RBM19: variants seen among roughly 807,000 people sequenced by gnomAD.
The protein encoded by RBM19 is RNA binding motif protein 19, also known as probable RNA-binding protein 19.
RBM19 carries 94 observed loss-of-function variants against 116.8 expected under a neutral mutation model. The observed-to-expected ratio is 0.80, with a 90% CI of 0.68 to 0.95. RBM19 has a LOEUF of 0.95. Among genes scored for constraint, RBM19 ranks in the 40% least tolerant of loss-of-function variants. The pLI, the probability that RBM19 is intolerant of heterozygous loss-of-function variation, is 0.00. For missense variants in RBM19, 1,161 were observed against 1,220.7 expected, an observed-to-expected ratio of 0.95 and a Z score of 0.73; for synonymous variants, 475 against 494.1, an observed-to-expected ratio of 0.96 and a Z score of 0.51.
chr12:113,962,792 T>C (rs1872611531), intron 1 of RBM19, among the ~76,000 whole-genome samples: 1 of 152,216 alleles, frequency 6.6e-6, no homozygotes. Context: ...AAGCTATATA[T>C]ATCTTTGTTA....
chr12:113,844,568 T>TA (rs1876779729), intron 23 of RBM19, 100 bp downstream of exon 23: 2 of 1,442,800 alleles, frequency 1.4e-6, no homozygotes, highest in Non-Finnish European at 1.8e-6. Flanking sequence ...CTTGTGCCCA[T>TA]AGCCTGCTGG....
At chr12:113,897,582 T>G (rs1593549899) in intron 21 of RBM19, among the ~76,000 whole-genome samples, 1 of 152,066 alleles carries the variant, frequency 6.6e-6, no homozygotes, top group African/African-American at 2.4e-5. Context: ...GAGGCTGAGG[T>G]GGGAGGATCA....
chr12:113,946,283 C>T, intron 12 of RBM19, 71 bp downstream of exon 12: 6 of 1,607,424 alleles, frequency 3.7e-6, no homozygotes, highest in Non-Finnish European at 5.1e-6. Flanking sequence ...ACCCAGGTGG[C>T]TTAGAAAGGG....
Position 113,940,002 on chromosome 12 carries a change from G to A in RBM19, c.1896C>T (p.Pro632=). ...GITAIVEFLE[P]LEARKAFRHL... is the part of the protein sequence containing the mutation. ...GCCTGAAGGCCTTGCGGGCCTCCAG[G>A]GGCTCCAGGAACTCCACGATGGCAG... The change falls in exon 15 of 24, where the codon CCC becomes CCT. Residue 632 remains proline, a synonymous_variant. Coordinates refer to ENST00000261741, the MANE Select transcript of RBM19 (RefSeq NM_016196.4). 1 of 1,614,090 alleles carries A rather than the reference G, an allele frequency of 6.2e-7. No individual in the cohort carries two copies. Among genetic ancestry groups the A allele is most frequent in the African/African-American group, 1.3e-5 (1 of 75,034 alleles).
intron 21 of RBM19, among the ~76,000 whole-genome samples, chr12:113,859,601 C>A (rs754905063): frequency 6.6e-6 from 1 of 152,046 alleles, no homozygotes; most frequent in Non-Finnish European, 1.5e-5. Flanking sequence ...TTGGACCATC[C>A]CCCCCGGTTC....
At chr12:113,854,427 C>A (rs553996594) in intron 22 of RBM19, among the ~76,000 whole-genome samples, 11 of 152,156 alleles carry the variant, frequency 7.2e-5, no homozygotes, top group African/African-American at 2.6e-4. Context: ...AGGATGCAGT[C>A]CTGCTTGAGT....
rs193000306 is a variant in RBM19 at position 113,839,503 on chromosome 12, G to A, written c.2785+5165C>T. On this transcript the variant is annotated intron_variant, in intron 23 of 23. Transcript: ENST00000261741. ...GGATAGAGAGGTAAACCTGACTATC[G>A]TTTCAAGTTCAACCATTCACTACCT... Among the ~76,000 whole-genome samples the A allele has an allele frequency of 7.1e-4, 108 of 152,312 alleles. 2 individuals are homozygous for A. The highest frequency in any genetic ancestry group is 5.8e-4 in the African/African-American group (24 of 41,588).
chr12:113,882,733 T>C (rs1880236899), intron 21 of RBM19, among the ~76,000 whole-genome samples: 1 of 152,142 alleles, frequency 6.6e-6, no homozygotes, highest in Non-Finnish European at 1.5e-5. Context: ...CATTAGCCCC[T>C]CCCCAGCCAC....
chr12:113,948,760 C>T lies in RBM19; in HGVS notation c.1276+73G>A, dbSNP rs968375238. 10 of 1,500,622 alleles carry T rather than the reference C, an allele frequency of 6.7e-6. No individual in the cohort carries two copies. In the African/African-American group the frequency reaches 1.3e-4, roughly 19 times the overall value. 93.0% of individuals were successfully genotyped at this position (1,500,622 alleles called of 1,614,324 possible). On this transcript the variant is annotated intron_variant, in intron 10 of 23. Coordinates refer to ENST00000261741, the MANE Select transcript of RBM19 (RefSeq NM_016196.4). ...AGTCGTGTGCACACTGGGACTTGAA[C>T]CCAGGACGTCAGAGTGAGAGCCCGG...
intron 21 of RBM19, among the ~76,000 whole-genome samples, chr12:113,868,831 G>A (rs1326732155): frequency 1.3e-5 from 2 of 152,188 alleles, no homozygotes; most frequent in Non-Finnish European, 2.9e-5. Context: ...CTTCTGCAGA[G>A]GAAGTCTAGC....
chr12:113,860,922 A>G (rs574102419), intron 21 of RBM19, among the ~76,000 whole-genome samples: 34 of 152,338 alleles, frequency 2.2e-4, no homozygotes, highest in Non-Finnish European at 5.9e-5. Context: ...AGCAAATGGT[A>G]GCCCTGGAAG....
intron 21 of RBM19, among the ~76,000 whole-genome samples, chr12:113,867,507 GCA>G (rs1878907474): frequency 6.6e-6 from 1 of 152,168 alleles, no homozygotes; most frequent in African/African-American, 2.4e-5. Context: ...CAGGGTTGGT[GCA>G]CACTCTCAGC....
At chr12:113,849,137 G>A (rs1877241364) in intron 22 of RBM19, among the ~76,000 whole-genome samples, 1 of 152,220 alleles carries the variant, frequency 6.6e-6, no homozygotes, top group Non-Finnish European at 1.5e-5. Context: ...ACAGGCAACA[G>A]CCAGGCACCC....
intron 23 of RBM19, among the ~76,000 whole-genome samples, chr12:113,843,397 C>T (rs1192582629): frequency 1.3e-5 from 2 of 152,132 alleles, no homozygotes; most frequent in Non-Finnish European, 2.9e-5. Context: ...GGGACCCAGG[C>T]GACAATGAGG....
intron 21 of RBM19, among the ~76,000 whole-genome samples, chr12:113,888,333 A>G (rs1048659752): frequency 6.6e-6 from 1 of 152,192 alleles, no homozygotes; most frequent in African/African-American, 2.4e-5. Flanking sequence ...GTCAAAGACT[A>G]TTTGGTTCTG....
intron 20 of RBM19, among the ~76,000 whole-genome samples, chr12:113,917,703 A>G (rs1402823375): frequency 1.3e-5 from 2 of 152,264 alleles, no homozygotes; most frequent in African/African-American, 4.8e-5. Flanking sequence ...TGTTAGAGGC[A>G]TTCATTTTAT....
chr12:113,875,381 C>T (rs1265032030), intron 21 of RBM19, among the ~76,000 whole-genome samples: 1 of 152,152 alleles, frequency 6.6e-6, no homozygotes, highest in Non-Finnish European at 1.5e-5. Context: ...GAACTCGATT[C>T]AATTACAAAA....
At chr12:113,884,120 A>AAAAAAACAC (rs1555235361) in intron 21 of RBM19, among the ~76,000 whole-genome samples, 5 of 145,768 alleles carry the variant, frequency 3.4e-5, no homozygotes, top group Non-Finnish European at 6.0e-5. Flanking sequence ...ACCAAAAAAA[A>AAAAAAACAC]AAAAAAACAA....
chr12:113,914,506 G>T (rs959305587), intron 21 of RBM19, among the ~76,000 whole-genome samples: 1 of 152,212 alleles, frequency 6.6e-6, no homozygotes, highest in South Asian at 2.1e-4. Flanking sequence ...TTGAAAAATG[G>T]AATCCAACTC....
Sources: allele counts gnomAD v4.1 joint callset (sites outside exome capture counted in the v4.1 genomes callset), GRCh38; gene constraint gnomAD v4.1.1; transcripts MANE v1.5; gene names NCBI Gene and HGNC (gene_info 2026-07-23, HGNC 2026-07-21).